The following NELL1 variants were observed in gnomAD, a reference collection of about 807,000 sequenced individuals.
NELL1 encodes neural EGFL like 1.
Under a neutral mutation model 107.4 loss-of-function variants are expected in NELL1, and 76 were observed. The observed-to-expected ratio is 0.71, with a 90% CI of 0.59 to 0.86. NELL1 has a LOEUF of 0.86. Among genes scored for constraint, NELL1 ranks in the 40% least tolerant of loss-of-function variants. NELL1 has a pLI of 0.00. For missense variants in NELL1, 1,024 were observed against 1,005.5 expected, an observed-to-expected ratio of 1.02 and a Z score of -0.25; for synonymous variants, 353 against 341.2, an observed-to-expected ratio of 1.03 and a Z score of -0.38.
At position 21,229,351 on chromosome 11, in the gene NELL1, C is replaced by A; in HGVS notation, c.1446C>A (p.Ser482Arg). Residue 482 changes from serine (S) to arginine (R), a missense_variant, in exon 14 of 20, where the codon AGC becomes AGA. Physicochemically the swap from Ser to Arg is moderately radical, Grantham distance 110 (BLOSUM62 -1). Coordinates refer to ENST00000357134, the MANE Select transcript of NELL1 (RefSeq NM_006157.5). ...AAACAGAACACGATGAATGTGGCAG[C>A]GGCCAGCACAACTGTGATGAGAATG... ...FSCTEHDECG[S>R]GQHNCDENAI... 6.2e-7 allele frequency: 1 copy of A among 1,613,924 alleles called. No homozygotes were observed. Among genetic ancestry groups the A allele is most frequent in the Non-Finnish European group, 8.5e-7 (1 of 1,179,872 alleles).
At chr11:20,909,741 T>C (rs1850083264) in intron 5 of NELL1, among the ~76,000 whole-genome samples, 1 of 152,172 alleles carries the variant, frequency 6.6e-6, no homozygotes, top group African/African-American at 2.4e-5. Context: ...CACTACTCTT[T>C]TTACAGTTCC....
chr11:21,400,041 G>A (rs1009429684), intron 15 of NELL1, among the ~76,000 whole-genome samples: 2 of 151,626 alleles, frequency 1.3e-5, no homozygotes, highest in African/African-American at 4.8e-5. Flanking sequence ...ATGCATTATT[G>A]GTGAACTACT....
intron 12 of NELL1, among the ~76,000 whole-genome samples, chr11:21,035,897 A>G (rs1299864388): frequency 1.3e-5 from 2 of 152,160 alleles, no homozygotes; most frequent in Non-Finnish European, 2.9e-5. Flanking sequence ...TAATCAGGCA[A>G]GAGAAAGATA....
intron 15 of NELL1, among the ~76,000 whole-genome samples, chr11:21,516,577 T>C (rs1357141642): frequency 6.6e-6 from 1 of 152,202 alleles, no homozygotes; most frequent in Non-Finnish European, 1.5e-5. Context: ...TACACACCTA[T>C]ACAGCATGTT....
intron 2 of NELL1, among the ~76,000 whole-genome samples, chr11:20,733,581 T>C (rs944812642): frequency 6.6e-6 from 1 of 152,128 alleles, no homozygotes; most frequent in African/African-American, 2.4e-5. Flanking sequence ...GTAAGAGTGG[T>C]CCATATGTAG....
chr11:20,820,312 G>A (rs76195532), intron 3 of NELL1, among the ~76,000 whole-genome samples: 1,637 of 152,222 alleles, frequency 0.011, 10 homozygotes, highest in Middle Eastern at 0.027. Flanking sequence ...GCCTGTGGCC[G>A]GTTTACACCC....
chr11:20,964,822 T>G (rs756938746), intron 12 of NELL1, among the ~76,000 whole-genome samples: 8 of 152,164 alleles, frequency 5.3e-5, no homozygotes, highest in Non-Finnish European at 1.0e-4. Flanking sequence ...CTTTTCTCTC[T>G]GAAACAAAAA....
intron 13 of NELL1, among the ~76,000 whole-genome samples, chr11:21,154,207 T>C (rs1301698042): frequency 6.6e-6 from 1 of 152,180 alleles, no homozygotes; most frequent in Non-Finnish European, 1.5e-5. Flanking sequence ...CCTCTCTTAA[T>C]GGTGGCAGTG....
chr11:21,157,014 A>G (rs1468443490), intron 13 of NELL1, among the ~76,000 whole-genome samples: 3 of 151,792 alleles, frequency 2.0e-5, no homozygotes, highest in African/African-American at 7.3e-5. Flanking sequence ...AGGCATGAGA[A>G]TCGCTGTAAC....
At chr11:21,162,514 A>G (rs1419007617) in intron 13 of NELL1, among the ~76,000 whole-genome samples, 1 of 152,190 alleles carries the variant, frequency 6.6e-6, no homozygotes, top group Non-Finnish European at 1.5e-5. Context: ...GGTATAGTGT[A>G]TGTGTTCATT....
chr11:21,435,807 T>C (rs1425167989), intron 15 of NELL1, among the ~76,000 whole-genome samples: 1 of 152,118 alleles, frequency 6.6e-6, no homozygotes, highest in Non-Finnish European at 1.5e-5. Context: ...TGTGTGTGTG[T>C]GTATGTGTGT....
chr11:21,561,606 G>T (rs1040142943), intron 17 of NELL1, among the ~76,000 whole-genome samples: 3 of 152,014 alleles, frequency 2.0e-5, no homozygotes, highest in South Asian at 2.1e-4. Context: ...AACTCCACTT[G>T]CTTGGCTCAA....
intron 12 of NELL1, among the ~76,000 whole-genome samples, chr11:20,990,220 C>T (rs1195201582): frequency 1.3e-5 from 2 of 152,086 alleles, no homozygotes; most frequent in Admixed American, 6.5e-5. Flanking sequence ...GTATGACCAT[C>T]CCTTTGCACG....
intron 13 of NELL1, among the ~76,000 whole-genome samples, chr11:21,172,562 T>C (rs761481244): frequency 6.6e-6 from 1 of 151,816 alleles, no homozygotes; most frequent in Non-Finnish European, 1.5e-5. Flanking sequence ...AATAGTTTTG[T>C]TTACATATCT....
At chr11:20,817,095 G>A (rs1013224088) in intron 3 of NELL1, among the ~76,000 whole-genome samples, 2 of 152,014 alleles carry the variant, frequency 1.3e-5, no homozygotes, top group African/African-American at 2.4e-5. Context: ...TTGGCCTGTA[G>A]TTTTCATTTT....
chr11:20,845,717 A>C (rs1174526473), intron 3 of NELL1, among the ~76,000 whole-genome samples: 1 of 152,198 alleles, frequency 6.6e-6, no homozygotes, highest in East Asian at 1.9e-4. Flanking sequence ...TTCCTGGCAC[A>C]TGACAATCAT....
intron 14 of NELL1, among the ~76,000 whole-genome samples, chr11:21,368,439 T>TGAACACCG (rs1483559680): frequency 1.3e-5 from 2 of 151,936 alleles, no homozygotes; most frequent in African/African-American, 4.8e-5. Flanking sequence ...CCTGCCTTTG[T>TGAACACCG]GAACACCGGA....
chr11:21,232,159 A>ATATATATAT (rs1270859097), intron 14 of NELL1, among the ~76,000 whole-genome samples: 1,625 of 72,596 alleles, frequency 0.022, 11 homozygotes, highest in East Asian at 0.055. Flanking sequence ...AAAAAAAAAA[A>ATATATATAT]ATATATATAT....
chr11:21,547,712 CAG>C (rs1468192272), intron 16 of NELL1, among the ~76,000 whole-genome samples: 2 of 151,878 alleles, frequency 1.3e-5, no homozygotes, highest in Non-Finnish European at 2.9e-5. Flanking sequence ...GTGAGGCCCT[CAG>C]AATTAGCCAG....
Sources: gnomAD v4.1 joint callset for allele counts (sites outside exome capture counted in the v4.1 genomes callset) on GRCh38, gnomAD v4.1.1 for gene constraint, MANE v1.5 for transcripts, NCBI Gene and HGNC (gene_info 2026-07-23, HGNC 2026-07-21) for gene names.